Variants in DACH1 observed in about 807,000 individuals in gnomAD.
The protein encoded by DACH1 is dachshund homolog 1.
In DACH1, 12 loss-of-function variants were observed where a neutral mutation model predicts 54.2. The observed-to-expected ratio is 0.22, with a 90% confidence interval of 0.14 to 0.36. The LOEUF is 0.36. Among genes scored for constraint, DACH1 ranks in the 10% least tolerant of loss-of-function variants. The pLI, the probability that DACH1 is intolerant of heterozygous loss-of-function variation, is 1.00. For missense variants in DACH1, 805 were observed against 929.8 expected (o/e 0.87, Z 1.75); for synonymous variants, 386 against 366.2 (o/e 1.05, Z -0.62).
At chr13:71,488,235 C>T (rs1246489037) in intron 7 of DACH1, among the ~76,000 whole-genome samples, 1 of 152,136 alleles carries the variant, frequency 6.6e-6, no homozygotes, top group African/African-American at 2.4e-5. Flanking sequence ...CAACTTCTGC[C>T]TACTACTCAC....
At chr13:71,454,525 CT>C (rs1875376599) in intron 10 of DACH1, among the ~76,000 whole-genome samples, 1 of 152,234 alleles carries the variant, frequency 6.6e-6, no homozygotes, top group Non-Finnish European at 1.5e-5. Flanking sequence ...TGGGCACACT[CT>C]TCTTCCCCAG....
chr13:71,679,669 A>G (rs1460693280), intron 2 of DACH1, among the ~76,000 whole-genome samples: 2 of 152,130 alleles, frequency 1.3e-5, no homozygotes, highest in African/African-American at 2.4e-5. Flanking sequence ...TTTATTTCAC[A>G]CTTGAGTCTT....
intron 6 of DACH1, among the ~76,000 whole-genome samples, chr13:71,548,877 A>G (rs181693106): frequency 6.6e-6 from 1 of 152,244 alleles, no homozygotes. Context: ...GTTTTGTGCC[A>G]CTGCACTCCA....
intron 1 of DACH1, among the ~76,000 whole-genome samples, chr13:71,717,906 C>A (rs1883053306): frequency 6.6e-6 from 1 of 151,184 alleles, no homozygotes; most frequent in Admixed American, 6.6e-5. Flanking sequence ...AAAAAAAACA[C>A]AGAAATCAAG....
intron 1 of DACH1, among the ~76,000 whole-genome samples, chr13:71,709,812 G>T (rs996808690): frequency 2.6e-5 from 4 of 152,124 alleles, no homozygotes; most frequent in African/African-American, 7.2e-5. Context: ...GCAGATAAGG[G>T]AACATTACTG....
At chr13:71,455,744 T>C (rs1233340237) in intron 10 of DACH1, among the ~76,000 whole-genome samples, 1 of 152,098 alleles carries the variant, frequency 6.6e-6, no homozygotes, top group Non-Finnish European at 1.5e-5. Context: ...AGATACCAGA[T>C]TGAATGAAAC....
intron 4 of DACH1, among the ~76,000 whole-genome samples, chr13:71,570,769 C>T (rs1041659233): frequency 2.9e-4 from 44 of 152,150 alleles, no homozygotes; most frequent in African/African-American, 1.0e-3. Flanking sequence ...AGGAATGTTT[C>T]TGACTTCCCA....
At chr13:71,515,154 C>T (rs1593818207) in intron 6 of DACH1, among the ~76,000 whole-genome samples, 1 of 151,756 alleles carries the variant, frequency 6.6e-6, no homozygotes, top group African/African-American at 2.4e-5. Context: ...TTTGAGATCA[C>T]AACTCATAGG....
At chr13:71,846,955 C>T (rs1162231590) in intron 1 of DACH1, among the ~76,000 whole-genome samples, 1 of 152,108 alleles carries the variant, frequency 6.6e-6, no homozygotes, top group Non-Finnish European at 1.5e-5. Flanking sequence ...TACATATACT[C>T]TTATTTTTGG....
At chr13:71,639,188 GTTATT>G (rs201030774) in intron 2 of DACH1, among the ~76,000 whole-genome samples, 1,658 of 152,150 alleles carry the variant, frequency 0.011, 18 homozygotes, top group African/African-American at 0.033. Flanking sequence ...CTAACTTTCA[GTTATT>G]TTATTTCTCA....
At chr13:71,607,130 C>T (rs983385150) in intron 3 of DACH1, among the ~76,000 whole-genome samples, 2 of 151,930 alleles carry the variant, frequency 1.3e-5, no homozygotes, top group Admixed American at 1.3e-4. Context: ...ACAGGAAAAA[C>T]TACACATTAC....
intron 6 of DACH1, among the ~76,000 whole-genome samples, chr13:71,506,280 T>TC (rs904213599): frequency 2.0e-4 from 20 of 97,902 alleles, no homozygotes; most frequent in African/African-American, 7.8e-4. Flanking sequence ...GTGCTATCCC[T>TC]CCCCCCTCCC....
intron 1 of DACH1, among the ~76,000 whole-genome samples, chr13:71,860,047 T>C (rs968924300): frequency 6.6e-6 from 1 of 151,850 alleles, no homozygotes; most frequent in Non-Finnish European, 1.5e-5. Context: ...CATAGTTTTC[T>C]TCTTTAAAAA....
At chr13:71,703,205 T>C (rs1882246472) in intron 1 of DACH1, among the ~76,000 whole-genome samples, 1 of 152,236 alleles carries the variant, frequency 6.6e-6, no homozygotes, top group African/African-American at 2.4e-5. Flanking sequence ...CTTCCTGACC[T>C]TGCCCTGCTT....
intron 1 of DACH1, among the ~76,000 whole-genome samples, chr13:71,712,077 T>C (rs1160895051): frequency 2.0e-5 from 3 of 152,090 alleles, no homozygotes; most frequent in Non-Finnish European, 4.4e-5. Flanking sequence ...TCACTTCTCA[T>C]CTCTGGCATT....
At chr13:71,714,698 T>TA (rs1462164679) in intron 1 of DACH1, among the ~76,000 whole-genome samples, 2 of 152,052 alleles carry the variant, frequency 1.3e-5, no homozygotes, top group African/African-American at 4.8e-5. Flanking sequence ...AGTAGTAATA[T>TA]AAAAAATATT....
At chr13:71,559,349 T>C (rs1884445393) in intron 5 of DACH1, among the ~76,000 whole-genome samples, 2 of 152,166 alleles carry the variant, frequency 1.3e-5, no homozygotes, top group Non-Finnish European at 2.9e-5. Flanking sequence ...GACTTAGAAA[T>C]GTATGCTTTT....
At chr13:71,632,819 C>G (rs74096980) in intron 2 of DACH1, among the ~76,000 whole-genome samples, 1,667 of 152,256 alleles carry the variant, frequency 0.011, 21 homozygotes, top group African/African-American at 0.034. Flanking sequence ...TGGGTTTGAT[C>G]TGAACATTCA....
chr13:71,773,691 A>C (rs2138042722), intron 1 of DACH1, among the ~76,000 whole-genome samples: 1 of 152,170 alleles, frequency 6.6e-6, no homozygotes. Context: ...ACAAAGCAGA[A>C]CAATTCATTA....
Sources: gnomAD v4.1 joint callset for allele counts (sites outside exome capture counted in the v4.1 genomes callset) on GRCh38, gnomAD v4.1.1 for gene constraint, MANE v1.5 for transcripts, NCBI Gene and HGNC (gene_info 2026-07-23, HGNC 2026-07-21) for gene names.